ZNF430: variants seen among roughly 807,000 people sequenced by gnomAD.
The protein encoded by ZNF430 is zinc finger protein 430.
ZNF430 carries 35 observed loss-of-function variants against 56.7 expected under a neutral mutation model. That is an observed-to-expected ratio of 0.62 (90% CI 0.47 to 0.82). ZNF430 has a LOEUF of 0.82. Ranked by LOEUF, ZNF430 falls within the 40% of genes least tolerant of loss-of-function variation. The pLI, the probability that ZNF430 is intolerant of heterozygous loss-of-function variation, is 0.00. For synonymous variants in ZNF430, 212 were observed against 224.3 expected (o/e 0.94, Z 0.49); for missense variants, 574 against 661.0 (o/e 0.87, Z 1.44).
At chr19:21,033,761 C>A in intron 3 of ZNF430, 179 bp downstream of exon 3, 1 of 746,990 alleles carries the variant, frequency 1.3e-6, no homozygotes, top group East Asian at 3.2e-5. Flanking sequence ...TTTATCTTGA[C>A]TTAAACTTTC....
intron 4 of ZNF430, among the ~76,000 whole-genome samples, chr19:21,053,797 A>G (rs1198648610): frequency 6.6e-6 from 1 of 152,210 alleles, no homozygotes; most frequent in Non-Finnish European, 1.5e-5. Flanking sequence ...ACAGAAAGAC[A>G]TTAATGTTAT....
chr19:21,034,164 C>A lies in ZNF430; in HGVS notation c.302C>A (p.Ala101Glu), dbSNP rs144051683. 24 of 1,611,814 alleles carry A rather than the reference C, an allele frequency of 1.5e-5. No individual in the cohort carries two copies. The African/African-American group carries it at 2.4e-4, about 16-fold the overall frequency. The change falls in exon 4 of 5, where the codon GCG (alanine) becomes GAG (glutamate). Residue 101 changes from alanine to glutamate, a missense_variant. By Grantham distance (107) the Ala-to-Glu change is moderately radical (BLOSUM62 -1). Around this residue, in one of 3 missense-constraint regions of ZNF430, gnomAD observed 346 missense variants for 399.1 expected, o/e 0.87. Coordinates refer to ENST00000261560, the MANE Select transcript of ZNF430 (RefSeq NM_025189.4). ...GAGCCCTGGAATATGAAGAGACATG[C>A]GATGGTAGATCAACCCCCAGGTAGG... is the stretch of plus-strand genomic sequence containing the variant. Reference protein sequence around the residue: ...GKEPWNMKRHAMVDQPPVTYS... With the variant: ...GKEPWNMKRHEMVDQPPVTYS...
intron 4 of ZNF430, among the ~76,000 whole-genome samples, chr19:21,037,451 T>C (rs902964774): frequency 6.6e-6 from 1 of 152,160 alleles, no homozygotes; most frequent in African/African-American, 2.4e-5. Context: ...AATATTTCGC[T>C]CTACACATAT....
rs112657204 is a variant in ZNF430 at position 21,057,583 on chromosome 19, A to C, written c.1275A>C (p.Gly425=). The part of the protein sequence containing the change: ...TLTKHKRIHT[G]EKPYKCEQCG... The stretch of plus-strand genomic sequence containing the variant: ...CTAAACATAAAAGAATTCATACTGG[A>C]GAGAAACCCTACAAATGTGAACAAT... Residue 425 remains glycine (G), a synonymous_variant, in exon 5 of 5, where the codon GGA becomes GGC. Coordinates refer to ENST00000261560, the MANE Select transcript of ZNF430 (RefSeq NM_025189.4). 8 of 1,613,408 alleles carry C rather than the reference A, an allele frequency of 5.0e-6. No homozygotes were observed. Among genetic ancestry groups the C allele is most frequent in the Non-Finnish European group, 5.9e-6 (7 of 1,179,962 alleles).
chr19:21,023,016 G>A, intron 2 of ZNF430, 135 bp downstream of exon 2: 6 of 599,298 alleles, frequency 1.0e-5, no homozygotes, highest in South Asian at 4.5e-5. Flanking sequence ...TGTCTAAGGG[G>A]GCAGAAAAAT....
At chr19:21,034,224 G>A in intron 4 of ZNF430, 40 bp downstream of exon 4, 1 of 1,331,128 alleles carries the variant, frequency 7.5e-7, no homozygotes, top group South Asian at 1.5e-5. Flanking sequence ...TGAATGAGAG[G>A]TCCAAAAAAG....
chr19:21,029,506 T>C (rs992382514), intron 2 of ZNF430, among the ~76,000 whole-genome samples: 4 of 152,188 alleles, frequency 2.6e-5, no homozygotes, highest in African/African-American at 9.7e-5. Context: ...GATTCTCTTA[T>C]GTAAGCTTAG....
At position 21,022,848 on chromosome 19, in the gene ZNF430, C is replaced by A. The variant is rs199897701; in HGVS notation, c.63C>A (p.Asp21Glu). Residue 21 changes from aspartate (D) to glutamate (E), a missense_variant, in exon 2 of 5, where the codon GAC becomes GAA. Physicochemically the swap from Asp to Glu is conservative, Grantham distance 45. Around this residue, in one of 3 missense-constraint regions of ZNF430, gnomAD observed 346 missense variants for 399.1 expected, o/e 0.87. Coordinates refer to ENST00000261560, the MANE Select transcript of ZNF430 (RefSeq NM_025189.4). Reference protein sequence around the residue: ...LKEASGCPGADRNLLVYSFYE... With the variant: ...LKEASGCPGAERNLLVYSFYE... ...AAGCAAGTGGATGCCCTGGGGCTGACAGGAATCTTCTGGTGTACTCTTTTT... is the reference window on the plus strand; with the variant it reads ...AAGCAAGTGGATGCCCTGGGGCTGAAAGGAATCTTCTGGTGTACTCTTTTT... 6.2e-7 allele frequency: 1 copy of A among 1,613,842 alleles called. No individual in the cohort carries two copies. Among genetic ancestry groups the A allele is most frequent in the Non-Finnish European group, 8.5e-7 (1 of 1,179,788 alleles).
intron 4 of ZNF430, among the ~76,000 whole-genome samples, chr19:21,047,636 T>G (rs985929491): frequency 5.3e-5 from 8 of 152,208 alleles, no homozygotes; most frequent in African/African-American, 1.7e-4. Context: ...AGACCCTATT[T>G]GCCTGGGTTT....
chr19:21,029,875 G>A (rs1382685498), intron 2 of ZNF430, among the ~76,000 whole-genome samples: 1 of 152,124 alleles, frequency 6.6e-6, no homozygotes, highest in Admixed American at 6.5e-5. Context: ...TGGGGCAGGA[G>A]AATCGCTTGA....
rs1968430856 is a variant in ZNF430, at chr19:21,059,369, A to T, written c.*1348A>T. The T allele has an allele frequency of 6.6e-6, 1 of 151,894 alleles. No homozygotes were observed. The highest frequency in any genetic ancestry group is 2.1e-4 in the South Asian group (1 of 4,806). The allele number at this position is 151,894 out of a possible 1,614,324, so 9.4% of individuals were successfully genotyped here. A position where few individuals can be genotyped will look rare whatever the true frequency, so the allele number is the denominator to read the frequency against. On this transcript the variant is annotated 3_prime_UTR_variant, in exon 5 of 5. Coordinates refer to ENST00000261560, the MANE Select transcript of ZNF430 (RefSeq NM_025189.4). Reference sequence around the variant, plus strand: ...GACCAGCCTGACTAACATGGAGAAAACACGGCTCTACTAAAAATACAAAAT... The same window carrying T: ...GACCAGCCTGACTAACATGGAGAAATCACGGCTCTACTAAAAATACAAAAT...
At chr19:21,025,102 A>G (rs370746344) in intron 2 of ZNF430, among the ~76,000 whole-genome samples, 2 of 152,206 alleles carry the variant, frequency 1.3e-5, no homozygotes, top group South Asian at 2.1e-4. Flanking sequence ...GTGAGTCTAC[A>G]GAGTAAAGTA....
chr19:21,033,641 T>C, intron 3 of ZNF430, 59 bp downstream of exon 3: 1 of 1,498,112 alleles, frequency 6.7e-7, no homozygotes, highest in Non-Finnish European at 8.9e-7. Context: ...TTTCTCATTT[T>C]TTGAGAATAA....
In ZNF430 at chr19:21,059,454, A is replaced by G. The variant is rs1968432256; in HGVS notation, c.*1433A>G. On this transcript the variant is annotated 3_prime_UTR_variant, in exon 5 of 5. Transcript: ENST00000261560. ...GCTACTCGAGAGGCTGAGGCAGGAG[A>G]ATTGCTTGAACCCGGGAGGTGGAGA... 1 of 151,774 alleles carries G rather than the reference A, an allele frequency of 6.6e-6. No individual in the cohort carries two copies. The highest frequency in any genetic ancestry group is 1.5e-5 in the Non-Finnish European group (1 of 68,000). 9.4% of individuals were successfully genotyped at this position (151,774 alleles called of 1,614,324 possible).
At chr19:21,033,882 T>C (rs1387345309) in intron 3 of ZNF430, among the ~76,000 whole-genome samples, 2 of 152,168 alleles carry the variant, frequency 1.3e-5, no homozygotes, top group African/African-American at 4.8e-5. Flanking sequence ...CCGCCACCAA[T>C]TTTTGATTAA....
chr19:21,038,059 A>T (rs1026738438), intron 4 of ZNF430, among the ~76,000 whole-genome samples: 1 of 152,128 alleles, frequency 6.6e-6, no homozygotes, highest in Non-Finnish European at 1.5e-5. Context: ...ATTTTGAAGT[A>T]TAGCATAGTT....
Position 21,022,818 on chromosome 19 carries a change from C to T in ZNF430, c.33C>T (p.Leu11=). The change falls in exon 2 of 5, where the codon CTC becomes CTT. Residue 11 remains leucine (L), a synonymous_variant. Coordinates refer to ENST00000261560, the MANE Select transcript of ZNF430 (RefSeq NM_025189.4). ...ACCTGAAGTCTGGAGTGTATCCTCT[C>T]AAGGAAGCAAGTGGATGCCCTGGGG... is the stretch of plus-strand genomic sequence containing the variant. MENLKSGVYP[L]KEASGCPGAD... 1 of 1,613,830 alleles carries T rather than the reference C, an allele frequency of 6.2e-7. No individual in the cohort carries two copies. The highest frequency in any genetic ancestry group is 8.5e-7 in the Non-Finnish European group (1 of 1,179,792).
Position 21,057,114 on chromosome 19 carries a change from C to T in ZNF430, c.806C>T (p.Ala269Val). ...TACAAATGTGAACAATGTGGCAAAG[C>T]TTTTAAGCAGTCCTCAACCCTTACT... is the stretch of plus-strand genomic sequence containing the variant. ...KPYKCEQCGK[A>V]FKQSSTLTTH... Residue 269 changes from alanine (A) to valine (V), a missense_variant, in exon 5 of 5, where the codon GCT becomes GTT. This residue lies in a region of ZNF430 where 346 missense variants were observed against 399.1 expected (regional missense o/e 0.87). Coordinates refer to ENST00000261560, the MANE Select transcript of ZNF430 (RefSeq NM_025189.4). The T allele has an allele frequency of 6.2e-7, 1 of 1,614,042 alleles. No individual in the cohort carries two copies.
intron 4 of ZNF430, among the ~76,000 whole-genome samples, chr19:21,053,811 A>G (rs1968324866): frequency 6.6e-6 from 1 of 152,136 alleles, no homozygotes; most frequent in Admixed American, 6.5e-5. Context: ...ATGTTATTTT[A>G]TTGTTGTATT....
Sources: gnomAD v4.1 joint callset for allele counts (sites outside exome capture counted in the v4.1 genomes callset) on GRCh38, gnomAD v4.1.1 for gene constraint, gnomAD v4.1.1 regional missense constraint, MANE v1.5 for transcripts, NCBI Gene and HGNC (gene_info 2026-07-23, HGNC 2026-07-21) for gene names.